The following MAPK8IP3 variants were observed in gnomAD, a reference collection of about 807,000 sequenced individuals.
MAPK8IP3 encodes mitogen-activated protein kinase 8 interacting protein 3.
A neutral mutation model predicts 157.8 loss-of-function variants in MAPK8IP3; 49 were observed. The observed-to-expected ratio is 0.31, with a 90% CI of 0.25 to 0.39. The LOEUF is 0.39. MAPK8IP3 is among the 10% of genes least tolerant of loss of function. MAPK8IP3 has a pLI of 1.00. For missense variants in MAPK8IP3, 1,478 were observed against 1,889.4 expected (o/e 0.78, Z 4.04); for synonymous variants, 897 against 777.7 (o/e 1.15, Z -2.55).
chr16:1,743,463 G>C lies in MAPK8IP3; in HGVS notation c.734G>C (p.Ser245Thr), dbSNP rs370564661. 3.7e-6 allele frequency: 6 copies of C among 1,609,792 alleles called. No individual in the cohort carries two copies. The highest frequency in any genetic ancestry group is 4.2e-6 in the Non-Finnish European group (5 of 1,178,910). The change falls in exon 5 of 32, where the codon AGC becomes ACC. Residue 245 changes from serine to threonine, a missense_variant. Coordinates refer to ENST00000610761, the MANE Select transcript of MAPK8IP3 (RefSeq NM_001318852.2). This position sits in a 1 kb window ranked among gnomAD's most constrained non-coding sequence, Gnocchi z 5.6. ...AGTGACCTCGGCCAGCTGCAGTCCA[G>C]CTCCAGCTACCAGGTTTTGTAGCCG... Reference protein sequence around the residue: ...HLSDLGQLQSSSSYQCPQDEM... With the variant: ...HLSDLGQLQSTSSYQCPQDEM...
At chr16:1,733,816 G>A (rs1184288240) in intron 4 of MAPK8IP3, among the ~76,000 whole-genome samples, 2 of 152,216 alleles carry the variant, frequency 1.3e-5, no homozygotes, top group Admixed American at 1.3e-4. Context: ...GAAGCCCCTC[G>A]ATCATTTTGT....
At chr16:1,733,846 C>T (rs561269299) in intron 4 of MAPK8IP3, among the ~76,000 whole-genome samples, 1 of 152,360 alleles carries the variant, frequency 6.6e-6, no homozygotes, top group South Asian at 2.1e-4. Flanking sequence ...ATCTGGGGTG[C>T]TCTCTTGTCA....
At chr16:1,765,844 T>G in intron 20 of MAPK8IP3, 116 bp from the exon 21 acceptor site, 2 of 939,170 alleles carry the variant, frequency 2.1e-6, no homozygotes, top group Non-Finnish European at 3.2e-6. Context: ...GGAAGCTGGG[T>G]CTGCTGGGAA....
chr16:1,721,735 C>A (rs1344123169), intron 1 of MAPK8IP3, among the ~76,000 whole-genome samples: 1 of 152,040 alleles, frequency 6.6e-6, no homozygotes, highest in Non-Finnish European at 1.5e-5. Flanking sequence ...GCCACCGCTC[C>A]GGGCCTATAA....
intron 22 of MAPK8IP3, 25 bp from the exon 23 acceptor site, chr16:1,766,504 C>T (rs989447321): frequency 2.5e-6 from 4 of 1,609,360 alleles, no homozygotes; most frequent in East Asian, 2.2e-5. Context: ...CGTGGCCCCC[C>T]CTGGAGCCAC....
chr16:1,737,971 CGT>C (rs1256052239), intron 4 of MAPK8IP3, among the ~76,000 whole-genome samples: 4 of 49,554 alleles, frequency 8.1e-5, no homozygotes, highest in East Asian at 8.3e-4. Flanking sequence ...TCCGTGTGAG[CGT>C]GTGACCGTCC....
chr16:1,767,931 C>T lies in MAPK8IP3; in HGVS notation c.3523+13C>T, dbSNP rs746588269. The T allele has an allele frequency of 6.2e-7, 1 of 1,609,708 alleles. No individual in the cohort carries two copies. Among genetic ancestry groups the T allele is most frequent in the Non-Finnish European group, 8.5e-7 (1 of 1,178,824 alleles). ...CCCCTGACAGAGAGTGAGTGGCCTGCACACCTGCAGGGGCAGTGGTGCTGC... is the reference window on the plus strand; with the variant it reads ...CCCCTGACAGAGAGTGAGTGGCCTGTACACCTGCAGGGGCAGTGGTGCTGC... On this transcript the variant is annotated intron_variant, in intron 28 of 31. Transcript: ENST00000610761.
intron 1 of MAPK8IP3, among the ~76,000 whole-genome samples, chr16:1,716,217 A>G (rs2038138518): frequency 6.6e-6 from 1 of 152,242 alleles, no homozygotes; most frequent in South Asian, 2.1e-4. Flanking sequence ...CTTTGTTTAC[A>G]TATAAAAGGA....
Position 1,748,716 on chromosome 16 carries a change from C to G in MAPK8IP3, c.1212C>G (p.Leu404=), listed in dbSNP as rs201656989. The change falls in exon 8 of 32, where the codon CTC becomes CTG. Residue 404 remains leucine (L), a synonymous_variant. Transcript: ENST00000610761. ...VIGDVDEGAD[L]LGEFSVRDDF... The stretch of plus-strand genomic sequence containing the variant: ...GGGATGTGGACGAAGGGGCCGACCT[C>G]CTAGGTAAGCGCAAGCCTTCCCCCG... 8 of 1,613,200 alleles carry G rather than the reference C, an allele frequency of 5.0e-6. No homozygotes were observed. The highest frequency in any genetic ancestry group is 1.6e-4 in the Middle Eastern group (1 of 6,062).
rs1209522754 is a variant in MAPK8IP3, at chr16:1,766,123, A to C, written c.2610A>C (p.Pro870=). 2 of 1,611,772 alleles carry C rather than the reference A, an allele frequency of 1.2e-6. No homozygotes were observed. ...ACTGCTCCTCCCGAGGGGACACCCCAGTGCTAGACAAGGGGCAGGGTGAGT... is the reference window on the plus strand; with the variant it reads ...ACTGCTCCTCCCGAGGGGACACCCCCGTGCTAGACAAGGGGCAGGGTGAGT... The part of the protein sequence containing the change: ...RSNCSSRGDT[P]VLDKGQGEVA... Residue 870 remains proline, a synonymous_variant, in exon 21 of 32, where the codon CCA becomes CCC. Coordinates refer to ENST00000610761, the MANE Select transcript of MAPK8IP3 (RefSeq NM_001318852.2).
At chr16:1,737,506 G>T (rs1355914452) in intron 4 of MAPK8IP3, among the ~76,000 whole-genome samples, 1 of 102,668 alleles carries the variant, frequency 9.7e-6, no homozygotes, top group Non-Finnish European at 2.0e-5. Context: ...GTCCGTGTGA[G>T]CGTGTGACCG....
Position 1,763,737 on chromosome 16 carries a change from G to A in MAPK8IP3, c.1979G>A (p.Gly660Asp), listed in dbSNP as rs2042086007. 1.0e-5 allele frequency: 16 copies of A among 1,592,972 alleles called. No homozygotes were observed. Among genetic ancestry groups the A allele is most frequent in the Non-Finnish European group, 1.4e-5 (16 of 1,168,594 alleles). The change falls in exon 17 of 32, where the codon GGC becomes GAC. Residue 660 changes from glycine (G) to aspartate (D), a missense_variant. By Grantham distance (94) the Gly-to-Asp change is moderately conservative. Coordinates refer to ENST00000610761, the MANE Select transcript of MAPK8IP3 (RefSeq NM_001318852.2). ...CGTGAGCACGTGCGTAACGACGACG[G>A]CCGTCTGCAGGCCTGCGGCTGGAGC... The part of the protein sequence containing the change: ...QVREHVRNDD[G>D]RLQACGWSLP...
At chr16:1,737,862 GC>G (rs2040140787) in intron 4 of MAPK8IP3, among the ~76,000 whole-genome samples, 2 of 94,508 alleles carry the variant, frequency 2.1e-5, no homozygotes, top group Non-Finnish European at 4.1e-5. Flanking sequence ...ATCCATGTGA[GC>G]ATCTGTGTGA....
intron 1 of MAPK8IP3, among the ~76,000 whole-genome samples, chr16:1,720,569 T>C (rs185835039): frequency 6.6e-6 from 1 of 152,300 alleles, no homozygotes; most frequent in African/African-American, 2.4e-5. Context: ...CACACACACA[T>C]ACAAATCCAG....
At chr16:1,766,994 G>A in intron 25 of MAPK8IP3, 23 bp downstream of exon 25, 1 of 1,574,522 alleles carries the variant, frequency 6.4e-7, no homozygotes, top group Non-Finnish European at 8.6e-7. Context: ...AGCACGGGGT[G>A]TGTGGGTGGC....
intron 4 of MAPK8IP3, chr16:1,735,209 A>T (rs553307814): frequency 6.6e-6 from 1 of 152,200 alleles, no homozygotes; most frequent in Non-Finnish European, 1.5e-5. Context: ...ACATCACCAC[A>T]TCCTGGCCGT....
intron 8 of MAPK8IP3, among the ~76,000 whole-genome samples, chr16:1,753,203 A>G (rs1017002783): frequency 3.9e-5 from 6 of 152,166 alleles, no homozygotes; most frequent in African/African-American, 1.4e-4. Flanking sequence ...GGTGATGGAG[A>G]AATAAAAAGA....
chr16:1,735,360 C>T (rs1389664390), intron 4 of MAPK8IP3, among the ~76,000 whole-genome samples: 1 of 151,278 alleles, frequency 6.6e-6, no homozygotes, highest in East Asian at 2.0e-4. Flanking sequence ...GTGTGAGCGT[C>T]CATGTGAGCA....
Position 1,765,153 on chromosome 16 carries a change from C to A in MAPK8IP3, c.2421C>A (p.His807Gln). ...ACCAGTTCACCGTCTGCAACGCGCA[C>A]GTGCTGTGCATCTCCAGCATCCCCG... Reference protein sequence around the residue: ...VVDQFTVCNAHVLCISSIPAA... With the variant: ...VVDQFTVCNAQVLCISSIPAA... Residue 807 changes from histidine (H) to glutamine (Q), a missense_variant, in exon 20 of 32, where the codon CAC becomes CAA. Physicochemically the swap from His to Gln is conservative, Grantham distance 24. Transcript: ENST00000610761. The A allele has an allele frequency of 6.2e-7, 1 of 1,604,358 alleles. No individual in the cohort carries two copies. Among genetic ancestry groups the A allele is most frequent in the Non-Finnish European group, 8.5e-7 (1 of 1,173,088 alleles).
Sources: allele counts gnomAD v4.1 joint callset (sites outside exome capture counted in the v4.1 genomes callset), GRCh38; gene constraint gnomAD v4.1.1; non-coding constraint Gnocchi (gnomAD v3.1); transcripts MANE v1.5; gene names NCBI Gene and HGNC (gene_info 2026-07-23, HGNC 2026-07-21).